The following EML3 variants were observed in gnomAD, a reference collection of about 807,000 sequenced individuals.
The protein encoded by EML3 is EMAP like 3, also known as echinoderm microtubule-associated protein-like 3.
Under a neutral mutation model 106.7 loss-of-function variants are expected in EML3, and 53 were observed. The ratio of observed to expected loss-of-function variants is 0.50; its 90% CI spans 0.40 to 0.62. The LOEUF is 0.62. EML3 is among the 20% of genes least tolerant of loss of function. EML3 has a pLI of 0.00. For missense variants in EML3, 994 were observed against 1,209.1 expected (o/e 0.82, Z 2.64); for synonymous variants, 499 against 489.6 (o/e 1.02, Z -0.25).
chr11:62,604,917 G>A, intron 16 of EML3, 196 bp downstream of exon 16: 1 of 445,196 alleles, frequency 2.2e-6, no homozygotes, highest in Middle Eastern at 6.3e-4. Context: ...ACACTGGGTT[G>A]GGGGAGGGGG....
rs763625042 is a variant in EML3, at chr11:62,608,969, C to A, written c.922G>T (p.Val308Phe). The A allele has an allele frequency of 3.1e-6, 5 of 1,613,740 alleles. No individual in the cohort carries two copies. The Admixed American group carries it at 6.7e-5, about 22-fold the overall frequency. Residue 308 changes from valine (V) to phenylalanine (F), a missense_variant, in exon 7 of 22, where the codon GTT becomes TTT. Physicochemically the swap from Val to Phe is conservative, Grantham distance 50. This residue lies in a region of EML3 where 713 missense variants were observed against 920.5 expected (regional missense o/e 0.77). Coordinates refer to ENST00000394773, the MANE Select transcript of EML3 (RefSeq NM_153265.3). ...CAGCCCCGGACTCCTCACCATCGAACGCAGTCTGTGTGCCCCCGGTAATGT... is the reference window on the plus strand; with the variant it reads ...CAGCCCCGGACTCCTCACCATCGAAAGCAGTCTGTGTGCCCCCGGTAATGT... ...QRHYRGHTDC[V>F]RCLAVHPDGV... is the part of the protein sequence containing the mutation.
intron 12 of EML3, chr11:62,606,508 G>A (rs1942527098): frequency 2.0e-6 from 1 of 490,808 alleles, no homozygotes; most frequent in East Asian, 3.7e-5. Context: ...TTGCTGTGCT[G>A]CCCACACGCT....
intron 1 of EML3, 64 bp from the exon 2 acceptor site, chr11:62,611,660 CT>C: frequency 6.6e-7 from 1 of 1,520,022 alleles, no homozygotes; most frequent in Non-Finnish European, 8.8e-7. Context: ...AGAGGGGATT[CT>C]GTCTCCCCAC....
In EML3 at chr11:62,611,383, G is replaced by A. The variant is rs1942816826; in HGVS notation, c.195-39C>T. The A allele has an allele frequency of 7.4e-6, 12 of 1,613,556 alleles. No individual in the cohort carries two copies. In the East Asian group the frequency reaches 2.7e-4, roughly 36 times the overall value. On this transcript the variant is annotated intron_variant, in intron 2 of 21. Transcript: ENST00000394773. ...GTTGAATTAACCTGAAGCCCCAGAG[G>A]CCCCAAGGAGGAGGAAAAATGGGGT... is the stretch of plus-strand genomic sequence containing the variant.
chr11:62,607,881 C>T, intron 10 of EML3, 60 bp from the exon 11 acceptor site: 1 of 1,570,528 alleles, frequency 6.4e-7, no homozygotes, highest in Non-Finnish European at 8.7e-7. Context: ...TTCTACTTGA[C>T]TCTCCTCAAT....
Position 62,612,484 on chromosome 11 carries a change from G to A in EML3, c.-27C>T, listed in dbSNP as rs759450323. On this transcript the variant is annotated 5_prime_UTR_variant, in exon 1 of 22. Transcript: ENST00000394773. ...CGGCCCCCGGGTTGCTCCGAGCGGCGGCGGCGGAGGAGGCGTCTAAGCCGC... is the reference window on the plus strand; with the variant it reads ...CGGCCCCCGGGTTGCTCCGAGCGGCAGCGGCGGAGGAGGCGTCTAAGCCGC... 80 of 1,410,308 alleles carry A rather than the reference G, an allele frequency of 5.7e-5. No individual in the cohort carries two copies. In the African/African-American group the frequency reaches 1.1e-3, roughly 20 times the overall value. 87.4% of individuals were successfully genotyped at this position (1,410,308 alleles called of 1,614,324 possible).
Position 62,612,550 on chromosome 11 carries a change from G to T in EML3, c.-93C>A. 1 of 1,258,488 alleles carries T rather than the reference G, an allele frequency of 7.9e-7. No homozygotes were observed. Among genetic ancestry groups the T allele is most frequent in the South Asian group, 2.2e-5 (1 of 46,222 alleles). 78.0% of individuals were successfully genotyped at this position (1,258,488 alleles called of 1,614,324 possible). A position where few individuals can be genotyped will look rare whatever the true frequency, so the allele number is the denominator to read the frequency against. On this transcript the variant is annotated 5_prime_UTR_variant, in exon 1 of 22. Transcript: ENST00000394773. ...GGAGAGGGGAAGGGGAAGCACCCCGGGGCGCGCGCGAAGGGCGCCGTACCA... is the reference window on the plus strand; with the variant it reads ...GGAGAGGGGAAGGGGAAGCACCCCGTGGCGCGCGCGAAGGGCGCCGTACCA...
In EML3 at chr11:62,609,083, A is replaced by G; in HGVS notation, c.808T>C (p.Ser270Pro). The G allele has an allele frequency of 1.2e-6, 2 of 1,614,088 alleles. No individual in the cohort carries two copies. The highest frequency in any genetic ancestry group is 1.7e-6 in the Non-Finnish European group (2 of 1,180,020). ...GCGATAAAGTAGACCACCTCCCCAG[A>G]GCGCAACACAAACAGATTAGAGCGG... ...DSRSNLFVLR[S>P]GEVVYFIACV... Residue 270 changes from serine to proline, a missense_variant, in exon 7 of 22, where the codon TCT (serine) becomes CCT (proline). Transcript: ENST00000394773.
chr11:62,603,589 C>T (rs1004474064), intron 19 of EML3, 140 bp downstream of exon 19: 3 of 725,572 alleles, frequency 4.1e-6, no homozygotes, highest in East Asian at 2.7e-5. Context: ...TTCCAAATCA[C>T]GAAATTTCTC....
rs750083621 is a variant in EML3, at chr11:62,609,349, G to T, written c.758+5C>A. Reference sequence around the variant, plus strand: ...GTTCTCATGGGACTGGAAGGGGCAGGATACACCCAGTCAAGGCTGAGGGTC... The same window carrying T: ...GTTCTCATGGGACTGGAAGGGGCAGTATACACCCAGTCAAGGCTGAGGGTC... On this transcript the variant is annotated splice_donor_5th_base_variant and intron_variant, in intron 6 of 21. Transcript: ENST00000394773. 1 of 1,568,310 alleles carries T rather than the reference G, an allele frequency of 6.4e-7. No homozygotes were observed. The highest frequency in any genetic ancestry group is 1.9e-5 in the Admixed American group (1 of 53,710).
At chr11:62,606,034 C>T in intron 13 of EML3, 29 bp downstream of exon 13, 4 of 1,613,488 alleles carry the variant, frequency 2.5e-6, no homozygotes, top group South Asian at 1.1e-5. Context: ...TCTTCTCCCT[C>T]ACTCCCTTGA....
intron 5 of EML3, 68 bp from the exon 6 acceptor site, chr11:62,609,545 C>T (rs751474519): frequency 2.0e-4 from 308 of 1,554,598 alleles, no homozygotes; most frequent in Non-Finnish European, 2.5e-4. Flanking sequence ...CTACCCACCA[C>T]ACCTACCCAA....
chr11:62,611,487 C>T lies in EML3; in HGVS notation c.132G>A (p.Leu44=). 3 of 1,613,798 alleles carry T rather than the reference C, an allele frequency of 1.9e-6. No homozygotes were observed. The highest frequency in any genetic ancestry group is 3.3e-4 in the Middle Eastern group (2 of 6,056). ...GGGAGGAAGGGGGCACCTGCAGCCG[C>T]AGCAGGCGAAGGGCTTCTGCCAGGG... The part of the protein sequence containing the change: ...KAALAEALRL[L]RLQVPPSSLQ... Residue 44 remains leucine (L), a synonymous_variant, in exon 2 of 22, where the codon CTG becomes CTA. Coordinates refer to ENST00000394773, the MANE Select transcript of EML3 (RefSeq NM_153265.3).
chr11:62,604,775 A>C (rs1942429434), intron 16 of EML3: 1 of 212,616 alleles, frequency 4.7e-6, no homozygotes, highest in Admixed American at 5.2e-5. Flanking sequence ...GAAACTACAG[A>C]CCAGGGGCCG....
chr11:62,605,660 G>C lies in EML3; in HGVS notation c.1896C>G (p.Ala632=). The change falls in exon 15 of 22, where the codon GCC becomes GCG. Residue 632 remains alanine, a synonymous_variant. Transcript: ENST00000394773. This position sits in a 1 kb window ranked among gnomAD's most constrained non-coding sequence, Gnocchi z 5.2. The part of the protein sequence containing the change: ...CLWDGESHAL[A]WSIDLKETGL... ...GCTCTACCTTGAGGTCGATGCTCCAGGCCAGTGCATGGCTCTCCCCATCCC... is the reference window on the plus strand; with the variant it reads ...GCTCTACCTTGAGGTCGATGCTCCACGCCAGTGCATGGCTCTCCCCATCCC... 1 of 1,568,172 alleles carries C rather than the reference G, an allele frequency of 6.4e-7. No homozygotes were observed. Among genetic ancestry groups the C allele is most frequent in the East Asian group, 2.2e-5 (1 of 44,612 alleles).
intron 1 of EML3, chr11:62,612,226 T>A: frequency 1.9e-6 from 1 of 525,958 alleles, no homozygotes; most frequent in Non-Finnish European, 3.3e-6. Context: ...CGGAGTTACG[T>A]GGGGCGTAGA....
At chr11:62,603,350 G>T in intron 19 of EML3, 103 bp from the exon 20 acceptor site, 1 of 1,086,674 alleles carries the variant, frequency 9.2e-7, no homozygotes, top group Non-Finnish European at 1.4e-6. Context: ...CCCGGCGATG[G>T]CATGTGATCT....
chr11:62,603,680 A>C, intron 19 of EML3, 49 bp downstream of exon 19: 1 of 1,542,968 alleles, frequency 6.5e-7, no homozygotes, highest in Non-Finnish European at 8.9e-7. Context: ...CCCTACACAA[A>C]ACCCACTCCA....
chr11:62,606,962 GGC>G lies in EML3; in HGVS notation c.1498_1499del (p.Ala500GlnfsTer14). The G allele has an allele frequency of 6.2e-7, 1 of 1,613,508 alleles. No individual in the cohort carries two copies. ...SDSKTPGRGG[A>X]KETYGIVAQA... ...ATGCCCCTCCCAGCCACATACCTTT[GGC>G]GCCACCCCTGCCTGGGGTCTTGGAA... On this transcript the variant is annotated frameshift_variant, in exon 12 of 22. Transcript: ENST00000394773. LOFTEE classifies it high-confidence loss of function.
Sources: gnomAD v4.1 joint callset for allele counts on GRCh38, gnomAD v4.1.1 for gene constraint, gnomAD v4.1.1 regional missense constraint, Gnocchi (gnomAD v3.1) non-coding constraint, MANE v1.5 for transcripts, NCBI Gene and HGNC (gene_info 2026-07-23, HGNC 2026-07-21) for gene names.